Variants in SLC24A3 observed in about 807,000 individuals in gnomAD.
The protein encoded by SLC24A3 is sodium/potassium/calcium exchanger 3.
Under a neutral mutation model 75.8 loss-of-function variants are expected in SLC24A3, and 28 were observed. The ratio of observed to expected loss-of-function variants is 0.37; its 90% CI spans 0.27 to 0.51. The LOEUF is 0.51. SLC24A3 is among the 20% of genes least tolerant of loss of function. SLC24A3 has a pLI of 0.94. For missense variants in SLC24A3, 663 were observed against 847.8 expected (o/e 0.78, Z 2.71); for synonymous variants, 372 against 334.1 (o/e 1.11, Z -1.24).
At chr20:19,341,477 A>C (rs1393441767) in intron 2 of SLC24A3, among the ~76,000 whole-genome samples, 6 of 152,178 alleles carry the variant, frequency 3.9e-5, no homozygotes, top group Non-Finnish European at 7.3e-5. Flanking sequence ...TAGGCAGTAA[A>C]GCACTCTGTT....
intron 1 of SLC24A3, among the ~76,000 whole-genome samples, chr20:19,244,684 G>A (rs1982437086): frequency 6.6e-6 from 1 of 152,166 alleles, no homozygotes; most frequent in Non-Finnish European, 1.5e-5. Flanking sequence ...AAGCAGGAAG[G>A]GAATGACAGG....
At chr20:19,696,015 C>CTTTTCTTTTTT (rs1555807706) in intron 13 of SLC24A3, among the ~76,000 whole-genome samples, 2 of 108,090 alleles carry the variant, frequency 1.9e-5, no homozygotes, top group African/African-American at 7.1e-5. Flanking sequence ...TTTTCCTTTT[C>CTTTTCTTTTTT]TTTTTTTTTT....
chr20:19,687,306 G>A (rs562767816), intron 12 of SLC24A3, among the ~76,000 whole-genome samples: 7 of 152,162 alleles, frequency 4.6e-5, no homozygotes, highest in South Asian at 2.1e-4. Context: ...AGCTCTTCCC[G>A]CCATCATTCC....
chr20:19,570,671 G>A (rs1046823821), intron 3 of SLC24A3, among the ~76,000 whole-genome samples: 1 of 152,170 alleles, frequency 6.6e-6, no homozygotes, highest in Admixed American at 6.5e-5. Context: ...TTGAAGTAAT[G>A]ATGAACACAA....
intron 1 of SLC24A3, among the ~76,000 whole-genome samples, chr20:19,216,690 T>A (rs948870555): frequency 6.6e-6 from 1 of 152,184 alleles, no homozygotes. Context: ...CATATACCTA[T>A]GTGCATGAAT....
chr20:19,425,856 C>A (rs1289000711), intron 2 of SLC24A3, among the ~76,000 whole-genome samples: 1 of 152,058 alleles, frequency 6.6e-6, no homozygotes, highest in African/African-American at 2.4e-5. Flanking sequence ...CAAATTGGGC[C>A]AGTGGTTGCT....
At chr20:19,376,987 C>T (rs189301597) in intron 2 of SLC24A3, among the ~76,000 whole-genome samples, 203 of 152,294 alleles carry the variant, frequency 1.3e-3, no homozygotes, top group African/African-American at 2.4e-3. Context: ...GAAATGCCAC[C>T]GGCCTGTCCA....
intron 9 of SLC24A3, among the ~76,000 whole-genome samples, chr20:19,676,804 C>T (rs909064376): frequency 1.3e-5 from 2 of 152,194 alleles, no homozygotes; most frequent in African/African-American, 4.8e-5. Context: ...TCCCAGGTCA[C>T]TGCTCTAGGA....
At chr20:19,478,298 T>C (rs1188391927) in intron 2 of SLC24A3, among the ~76,000 whole-genome samples, 1 of 152,214 alleles carries the variant, frequency 6.6e-6, no homozygotes, top group African/African-American at 2.4e-5. Context: ...TTTAGGGCTC[T>C]ATTTTTATTT....
At position 19,587,658 on chromosome 20, in the gene SLC24A3, A is replaced by G. The variant is rs56669746; in HGVS notation, c.612+2114A>G. ...AGCAAAATTATGTTTTGGGAAGAACATGGGCTGGGGAATCAGACGGGTCTG... is the reference window on the plus strand; with the variant it reads ...AGCAAAATTATGTTTTGGGAAGAACGTGGGCTGGGGAATCAGACGGGTCTG... On this transcript the variant is annotated intron_variant, in intron 6 of 16. Coordinates refer to ENST00000328041, the MANE Select transcript of SLC24A3 (RefSeq NM_020689.4). Among the ~76,000 whole-genome samples, 83 of 152,332 alleles carry G rather than the reference A, an allele frequency of 5.4e-4. 2 individuals are homozygous for G. In the East Asian group the frequency reaches 0.014, roughly 26 times the overall value.
intron 6 of SLC24A3, among the ~76,000 whole-genome samples, chr20:19,648,449 A>G (rs2032163124): frequency 6.6e-6 from 1 of 150,758 alleles, no homozygotes; most frequent in Admixed American, 6.6e-5. Flanking sequence ...GTTTGCTTCA[A>G]CAGTTTTTTT....
At chr20:19,624,366 A>C (rs574700301) in intron 6 of SLC24A3, among the ~76,000 whole-genome samples, 2 of 152,342 alleles carry the variant, frequency 1.3e-5, no homozygotes, top group African/African-American at 4.8e-5. Context: ...AAATGCACAC[A>C]TAGTGGCAGT....
intron 6 of SLC24A3, among the ~76,000 whole-genome samples, chr20:19,652,457 G>A (rs1343057698): frequency 2.0e-5 from 3 of 152,190 alleles, no homozygotes; most frequent in African/African-American, 4.8e-5. Flanking sequence ...GATGACCACA[G>A]ATTCTAAGAG....
chr20:19,416,953 C>T (rs565611510), intron 2 of SLC24A3, among the ~76,000 whole-genome samples: 1 of 152,256 alleles, frequency 6.6e-6, no homozygotes, highest in South Asian at 2.1e-4. Context: ...TAACCTAAAA[C>T]CAAAAGGAGC....
chr20:19,499,254 T>C (rs2086319744), intron 2 of SLC24A3, among the ~76,000 whole-genome samples: 1 of 152,232 alleles, frequency 6.6e-6, no homozygotes, highest in African/African-American at 2.4e-5. Flanking sequence ...ATGTACTATC[T>C]TAGTTCTGGC....
chr20:19,416,893 G>A (rs780107938), intron 2 of SLC24A3, among the ~76,000 whole-genome samples: 20 of 152,286 alleles, frequency 1.3e-4, no homozygotes, highest in African/African-American at 3.4e-4. Context: ...GCCACCAGTC[G>A]TATAGCAAAA....
At chr20:19,690,133 T>C (rs2032729674) in intron 12 of SLC24A3, among the ~76,000 whole-genome samples, 1 of 152,104 alleles carries the variant, frequency 6.6e-6, no homozygotes, top group African/African-American at 2.4e-5. Context: ...AAAACACCTT[T>C]ATATTTGTTA....
chr20:19,323,490 A>G (rs1984764879), intron 2 of SLC24A3, among the ~76,000 whole-genome samples: 1 of 152,178 alleles, frequency 6.6e-6, no homozygotes. Context: ...ATTTTAAAAT[A>G]TAAGGGTACC....
rs375709564 is a variant in SLC24A3, at chr20:19,425,644, T to C, written c.272-89844T>C. 1.1e-4 allele frequency among the ~76,000 whole-genome samples: 17 copies of C among 152,316 alleles called. No homozygotes were observed. The South Asian group carries it at 3.1e-3, about 28-fold the overall frequency. On this transcript the variant is annotated intron_variant, in intron 2 of 16. Transcript: ENST00000328041. ...CTACAGTTTTTCCATTTTAAAGATA[T>C]ATCTTACTCTTCATAATTAAGGGAG...
Sources: allele counts gnomAD v4.1 joint callset (sites outside exome capture counted in the v4.1 genomes callset), GRCh38; gene constraint gnomAD v4.1.1; transcripts MANE v1.5; gene names NCBI Gene and HGNC (gene_info 2026-07-23, HGNC 2026-07-21).